The following KCTD16 variants were observed in gnomAD, a reference collection of about 807,000 sequenced individuals.
KCTD16 encodes BTB/POZ domain-containing protein KCTD16.
KCTD16 carries 13 observed loss-of-function variants against 33.2 expected under a neutral mutation model. The observed-to-expected ratio is 0.39, with a 90% CI of 0.25 to 0.62. The LOEUF (loss-of-function observed/expected upper bound fraction) is 0.62. KCTD16 is among the 20% of genes least tolerant of loss of function. The pLI, the probability that KCTD16 is intolerant of heterozygous loss-of-function variation, is 0.50. For synonymous variants in KCTD16, 197 were observed against 195.3 expected, an observed-to-expected ratio of 1.01 and a Z score of -0.07; for missense variants, 441 against 525.1, an observed-to-expected ratio of 0.84 and a Z score of 1.57.
chr5:144,272,125 G>A (rs1755315154), intron 3 of KCTD16, among the ~76,000 whole-genome samples: 1 of 152,066 alleles, frequency 6.6e-6, no homozygotes, highest in Non-Finnish European at 1.5e-5. Context: ...TATCAAAATT[G>A]TAATGACGAT....
chr5:144,305,850 A>C (rs887351707), intron 3 of KCTD16, among the ~76,000 whole-genome samples: 9 of 152,136 alleles, frequency 5.9e-5, no homozygotes, highest in African/African-American at 1.9e-4. Flanking sequence ...AATAAAAAAT[A>C]AGAAGGAGTC....
At chr5:144,347,438 T>A (rs2126904697) in intron 3 of KCTD16, among the ~76,000 whole-genome samples, 1 of 152,132 alleles carries the variant, frequency 6.6e-6, no homozygotes, top group South Asian at 2.1e-4. Flanking sequence ...CTACTAAAAA[T>A]ACAAAAATTA....
At chr5:144,178,005 A>G (rs978592751) in intron 2 of KCTD16, among the ~76,000 whole-genome samples, 1 of 152,246 alleles carries the variant, frequency 6.6e-6, no homozygotes, top group Non-Finnish European at 1.5e-5. Flanking sequence ...AATCTGTAGC[A>G]ATGGAGACTT....
At chr5:144,312,419 G>T (rs1751790547) in intron 3 of KCTD16, among the ~76,000 whole-genome samples, 1 of 152,146 alleles carries the variant, frequency 6.6e-6, no homozygotes, top group Admixed American at 6.6e-5. Flanking sequence ...CTTCTAATCT[G>T]ATGGCTGTCC....
chr5:144,433,381 GT>G (rs1162986711), intron 3 of KCTD16, among the ~76,000 whole-genome samples: 2 of 152,074 alleles, frequency 1.3e-5, no homozygotes, highest in African/African-American at 4.8e-5. Flanking sequence ...AGGCCCAGCC[GT>G]TACTCCCCTT....
At chr5:144,216,203 T>C (rs1753557654) in intron 3 of KCTD16, among the ~76,000 whole-genome samples, 1 of 152,198 alleles carries the variant, frequency 6.6e-6, no homozygotes, top group Non-Finnish European at 1.5e-5. Context: ...GGTTATTGAG[T>C]ATGTCACTGA....
chr5:144,206,832 C>T lies in KCTD16; in HGVS notation c.118C>T (p.His40Tyr), dbSNP rs1291123280. Residue 40 changes from histidine (H) to tyrosine (Y), a missense_variant, in exon 3 of 4, where the codon CAT becomes TAT. Coordinates refer to ENST00000512467, the MANE Select transcript of KCTD16 (RefSeq NM_020768.4). ...NVGGQVYFTR[H>Y]STLISIPHSL... The stretch of plus-strand genomic sequence containing the variant: ...CGGGGGTCAAGTTTATTTTACTCGC[C>T]ATTCCACATTGATAAGCATCCCTCA... The T allele has an allele frequency of 4.3e-6, 7 of 1,614,038 alleles. No homozygotes were observed. The African/African-American group carries it at 9.3e-5, about 22-fold the overall frequency.
chr5:144,343,899 T>C (rs1026042823), intron 3 of KCTD16, among the ~76,000 whole-genome samples: 1 of 152,072 alleles, frequency 6.6e-6, no homozygotes, highest in Admixed American at 6.6e-5. Context: ...TTGAGTGAGT[T>C]TCTGAATCCT....
intron 3 of KCTD16, among the ~76,000 whole-genome samples, chr5:144,291,628 T>G (rs1755898140): frequency 6.6e-6 from 1 of 152,214 alleles, no homozygotes; most frequent in Non-Finnish European, 1.5e-5. Context: ...TAAAGGAAAC[T>G]ATTTTAAGGA....
chr5:144,393,722 C>A (rs183997677), intron 3 of KCTD16, among the ~76,000 whole-genome samples: 63 of 152,256 alleles, frequency 4.1e-4, no homozygotes, highest in African/African-American at 1.4e-3. Context: ...CCCTGACAAC[C>A]TGCATTCTGT....
rs1409900612 is a variant in KCTD16, at chr5:144,480,707, C to G, written c.*6593C>G. On this transcript the variant is annotated 3_prime_UTR_variant, in exon 4 of 4. Transcript: ENST00000512467. ...TTCATGATTTGAGGGGTGCTACTGA[C>G]AATTAATGGGTATAGGCCAGAGATG... The G allele has an allele frequency of 1.3e-5, 2 of 151,824 alleles. No individual in the cohort carries two copies. Among genetic ancestry groups the G allele is most frequent in the Non-Finnish European group, 2.9e-5 (2 of 67,924 alleles). 9.4% of individuals were successfully genotyped at this position (151,824 alleles called of 1,614,324 possible). A position where few individuals can be genotyped will look rare whatever the true frequency, so the allele number is the denominator to read the frequency against.
At chr5:144,347,462 G>T (rs1257702788) in intron 3 of KCTD16, among the ~76,000 whole-genome samples, 1 of 152,166 alleles carries the variant, frequency 6.6e-6, no homozygotes, top group Non-Finnish European at 1.5e-5. Flanking sequence ...AGATGTGGTG[G>T]CAAGCACCTG....
At chr5:144,235,481 AC>A (rs1754226085) in intron 3 of KCTD16, among the ~76,000 whole-genome samples, 2 of 151,992 alleles carry the variant, frequency 1.3e-5, no homozygotes, top group Non-Finnish European at 2.9e-5. Flanking sequence ...TTCTTGCTTG[AC>A]CTTGTGCACA....
intron 3 of KCTD16, among the ~76,000 whole-genome samples, chr5:144,438,065 T>G (rs116194595): frequency 1.1e-4 from 16 of 152,358 alleles, no homozygotes; most frequent in Admixed American, 3.9e-4. Context: ...GTGAAATGAT[T>G]TTATGTATAT....
intron 3 of KCTD16, among the ~76,000 whole-genome samples, chr5:144,220,511 T>G (rs1753712680): frequency 6.6e-6 from 1 of 152,166 alleles, no homozygotes; most frequent in African/African-American, 2.4e-5. Context: ...TGATAAATTA[T>G]AATAATAGAA....
At chr5:144,439,733 A>G (rs1230524714) in intron 3 of KCTD16, among the ~76,000 whole-genome samples, 1 of 152,122 alleles carries the variant, frequency 6.6e-6, no homozygotes, top group Non-Finnish European at 1.5e-5. Context: ...TGTGCTCTGT[A>G]TCCAGAACAC....
chr5:144,445,621 T>C (rs1753802266), intron 3 of KCTD16, among the ~76,000 whole-genome samples: 1 of 152,164 alleles, frequency 6.6e-6, no homozygotes, highest in East Asian at 1.9e-4. Flanking sequence ...GTTCAGGAAA[T>C]TTTTTAATTC....
intron 2 of KCTD16, chr5:144,206,069 TG>T (rs1263415588): frequency 6.5e-6 from 1 of 152,862 alleles, no homozygotes; most frequent in Non-Finnish European, 1.5e-5. Flanking sequence ...TTGCTTTTCC[TG>T]TCCAGCTGAA....
chr5:144,379,623 C>T (rs1752166327), intron 3 of KCTD16, among the ~76,000 whole-genome samples: 1 of 152,114 alleles, frequency 6.6e-6, no homozygotes, highest in Non-Finnish European at 1.5e-5. Context: ...AGTTTTCAGA[C>T]AGGTTTCTTT....
Sources: allele counts gnomAD v4.1 joint callset (sites outside exome capture counted in the v4.1 genomes callset), GRCh38; gene constraint gnomAD v4.1.1; transcripts MANE v1.5; gene names NCBI Gene and HGNC (gene_info 2026-07-23, HGNC 2026-07-21).